The following LEPR variants were observed in gnomAD, a reference collection of about 807,000 sequenced individuals.
The protein encoded by LEPR is leptin receptor.
A neutral mutation model predicts 114.7 loss-of-function variants in LEPR; 56 were observed. That is an observed-to-expected ratio of 0.49 (90% CI 0.39 to 0.61). The LOEUF is 0.61. Ranked by LOEUF, LEPR falls within the 20% of genes least tolerant of loss-of-function variation. The pLI is 0.00. For missense variants in LEPR, 1,202 were observed against 1,352.9 expected (o/e 0.89, Z 1.75); for synonymous variants, 443 against 461.4 (o/e 0.96, Z 0.51).
intron 2 of LEPR, among the ~76,000 whole-genome samples, chr1:65,513,695 T>G (rs1203664136): frequency 6.6e-6 from 1 of 152,222 alleles, no homozygotes; most frequent in Non-Finnish European, 1.5e-5. Flanking sequence ...GTTGGCCAAT[T>G]TCCTTTCAGG....
At chr1:65,590,788 T>A (rs1655642432) in intron 5 of LEPR, among the ~76,000 whole-genome samples, 1 of 152,096 alleles carries the variant, frequency 6.6e-6, no homozygotes, top group Non-Finnish European at 1.5e-5. Context: ...TTGGCTTTCT[T>A]GATCTTTGTG....
chr1:65,483,407 T>C (rs536114509), intron 2 of LEPR, among the ~76,000 whole-genome samples: 14 of 152,290 alleles, frequency 9.2e-5, no homozygotes, highest in Non-Finnish European at 1.5e-4. Context: ...ACTGTTGATG[T>C]AGGACAATGA....
chr1:65,528,891 G>A (rs990508893), intron 2 of LEPR, among the ~76,000 whole-genome samples: 4 of 151,942 alleles, frequency 2.6e-5, no homozygotes, highest in Admixed American at 2.6e-4. Context: ...TGCAACCTCC[G>A]CCTCCCAGGT....
Position 65,637,255 on chromosome 1 carries a change from C to T in LEPR, c.*240C>T, listed in dbSNP as rs1000664913. ...ATTCCCAAGCTCTAGTGGGAAGGTC[C>T]CTTGTTTCCAGCTAGAAATAAGCCC... On this transcript the variant is annotated 3_prime_UTR_variant, in exon 20 of 20. Transcript: ENST00000349533. The T allele has an allele frequency of 1.5e-5, 6 of 393,798 alleles. No homozygotes were observed. Among genetic ancestry groups the T allele is most frequent in the Non-Finnish European group, 2.7e-5 (6 of 218,286 alleles). 24.4% of individuals were successfully genotyped at this position (393,798 alleles called of 1,614,324 possible).
Position 65,425,378 on chromosome 1 carries a change from G to A in LEPR, c.-21G>A, listed in dbSNP as rs1646340659. On this transcript the variant is annotated splice_region_variant and 5_prime_UTR_variant, in exon 2 of 20. The change creates a premature stop within an existing upstream ORF in the 5' untranslated region. Coordinates refer to ENST00000349533, the MANE Select transcript of LEPR (RefSeq NM_002303.6). ...CTGGGATGTGCCTTAGAGGATTATG[G>A]GTAAGTTATCATTTCAAAAAGAACT... is the stretch of plus-strand genomic sequence containing the variant. 1 of 1,595,086 alleles carries A rather than the reference G, an allele frequency of 6.3e-7. No homozygotes were observed.
intron 2 of LEPR, chr1:65,429,769 A>G: frequency 8.9e-7 from 1 of 1,123,936 alleles, no homozygotes; most frequent in South Asian, 2.4e-5. Context: ...CTAAACATTT[A>G]AAATAGCAAT....
intron 2 of LEPR, among the ~76,000 whole-genome samples, chr1:65,515,784 C>A (rs998091152): frequency 6.6e-6 from 1 of 152,128 alleles, no homozygotes; most frequent in Non-Finnish European, 1.5e-5. Context: ...ACTGTGTGTC[C>A]TGGAGAATTT....
intron 2 of LEPR, chr1:65,429,749 AT>A (rs757996664): frequency 6.5e-6 from 6 of 926,392 alleles, no homozygotes; most frequent in Non-Finnish European, 9.3e-6. Context: ...CAATTAATTA[AT>A]TTTTTGACCT....
intron 2 of LEPR, among the ~76,000 whole-genome samples, chr1:65,477,618 G>C (rs1000465343): frequency 6.6e-6 from 1 of 152,212 alleles, no homozygotes; most frequent in African/African-American, 2.4e-5. Context: ...ACTGTGCCTG[G>C]GGCCAAGGGC....
intron 2 of LEPR, among the ~76,000 whole-genome samples, chr1:65,457,381 C>A (rs901225164): frequency 4.6e-5 from 7 of 152,110 alleles, no homozygotes; most frequent in Admixed American, 3.3e-4. Flanking sequence ...TGCTGTCCTG[C>A]TTTTTCTAGT....
rs374025694 is a variant in LEPR at position 65,444,804 on chromosome 1, T to A, written c.-21+19426T>A. On this transcript the variant is annotated intron_variant, in intron 2 of 19. Transcript: ENST00000349533. ...TTGCTAACATCCTCTTGCTTTATTG[T>A]TGTAATAATGTGTGCTCATATAGTC... Among the ~76,000 whole-genome samples, 5 of 152,364 alleles carry A rather than the reference T, an allele frequency of 3.3e-5. 1 individual carries two copies.
intron 5 of LEPR, among the ~76,000 whole-genome samples, chr1:65,574,912 G>A (rs532930142): frequency 3.9e-5 from 6 of 152,210 alleles, no homozygotes; most frequent in East Asian, 3.9e-4. Context: ...TCGGGGGAGC[G>A]GAAGGAGAGG....
rs1475642996 is a variant in LEPR at position 65,472,625 on chromosome 1, C to G, written c.-21+47247C>G. On this transcript the variant is annotated intron_variant, in intron 2 of 19. Transcript: ENST00000349533. ...GAGTGTATATATATAGACACACACACACACACACACACACACACACACATA... is the reference window on the plus strand; with the variant it reads ...GAGTGTATATATATAGACACACACAGACACACACACACACACACACACATA... 2.0e-5 allele frequency among the ~76,000 whole-genome samples: 3 copies of G among 149,086 alleles called. No individual in the cohort carries two copies. The East Asian group carries it at 5.8e-4, about 29-fold the overall frequency.
At chr1:65,467,990 C>T (rs142579433) in intron 2 of LEPR, among the ~76,000 whole-genome samples, 5 of 152,220 alleles carry the variant, frequency 3.3e-5, no homozygotes, top group African/African-American at 9.7e-5. Flanking sequence ...ACCCCTTGCG[C>T]TTCCCGGGTG....
At chr1:65,600,059 A>G (rs1328137624) in intron 8 of LEPR, among the ~76,000 whole-genome samples, 1 of 152,126 alleles carries the variant, frequency 6.6e-6, no homozygotes, top group Non-Finnish European at 1.5e-5. Context: ...AAATGCTTTG[A>G]ATTTTCTTGT....
chr1:65,454,267 G>A (rs908480717), intron 2 of LEPR, among the ~76,000 whole-genome samples: 3 of 152,128 alleles, frequency 2.0e-5, no homozygotes, highest in Admixed American at 1.3e-4. Context: ...TAATTGGAAC[G>A]TTTAGTCCAT....
At chr1:65,634,021 T>TG (rs976981760) in intron 19 of LEPR, 3 of 985,242 alleles carry the variant, frequency 3.0e-6, no homozygotes, top group Non-Finnish European at 3.6e-6. Flanking sequence ...GGCAGGGAAA[T>TG]GGGCAGTGAT....
At chr1:65,550,033 A>G (rs1291851773) in intron 2 of LEPR, among the ~76,000 whole-genome samples, 2 of 152,168 alleles carry the variant, frequency 1.3e-5, no homozygotes, top group East Asian at 1.9e-4. Context: ...CTTTTAACAG[A>G]CAGGACCCTC....
chr1:65,568,592 G>A (rs1025389577), intron 3 of LEPR, among the ~76,000 whole-genome samples: 8 of 152,022 alleles, frequency 5.3e-5, no homozygotes, highest in Non-Finnish European at 1.0e-4. Context: ...CACTTAGGTT[G>A]ATTCCATGAC....
Sources: gnomAD v4.1 joint callset for allele counts (sites outside exome capture counted in the v4.1 genomes callset) on GRCh38, gnomAD v4.1.1 for gene constraint, MANE v1.5 for transcripts, NCBI Gene and HGNC (gene_info 2026-07-23, HGNC 2026-07-21) for gene names.